CROT: variants seen among roughly 807,000 people sequenced by gnomAD.
CROT encodes peroxisomal carnitine O-octanoyltransferase.
Under a neutral mutation model 89.2 loss-of-function variants are expected in CROT, and 84 were observed. The ratio of observed to expected loss-of-function variants is 0.94; its 90% CI spans 0.79 to 1.13. The LOEUF is 1.13. Ranked by LOEUF, CROT falls within the 50% of genes most tolerant of loss-of-function variation. The pLI is 0.00. For synonymous variants in CROT, 212 were observed against 239.5 expected (o/e 0.89, Z 1.06); for missense variants, 711 against 727.8 (o/e 0.98, Z 0.27).
intron 13 of CROT, among the ~76,000 whole-genome samples, chr7:87,383,088 A>G (rs1274545040): frequency 2.0e-5 from 3 of 152,218 alleles, no homozygotes; most frequent in Non-Finnish European, 2.9e-5. Flanking sequence ...CACTGCCTCA[A>G]CCATTTATTA....
intron 3 of CROT, among the ~76,000 whole-genome samples, chr7:87,349,593 T>C (rs532632368): frequency 2.6e-5 from 4 of 152,346 alleles, no homozygotes; most frequent in South Asian, 4.1e-4. Flanking sequence ...TATATTGTTA[T>C]GGGTATTGAG....
chr7:87,383,102 C>G (rs993098514), intron 13 of CROT, among the ~76,000 whole-genome samples: 12 of 152,122 alleles, frequency 7.9e-5, no homozygotes, highest in African/African-American at 2.7e-4. Flanking sequence ...TTTATTACGT[C>G]TTCGTGTGGG....
At chr7:87,369,670 A>G (rs1157290048) in intron 7 of CROT, 186 bp downstream of exon 7, 1 of 275,432 alleles carries the variant, frequency 3.6e-6, no homozygotes, top group Non-Finnish European at 6.7e-6. Context: ...CTAGACATAT[A>G]TAAATATGTT....
At chr7:87,378,584 G>T (rs1271228424) in intron 10 of CROT, among the ~76,000 whole-genome samples, 1 of 152,052 alleles carries the variant, frequency 6.6e-6, no homozygotes, top group African/African-American at 2.4e-5. Context: ...TGTGATTGTT[G>T]TACCAACAGT....
intron 6 of CROT, among the ~76,000 whole-genome samples, chr7:87,365,798 G>A (rs536651757): frequency 6.6e-6 from 1 of 152,024 alleles, no homozygotes; most frequent in East Asian, 1.9e-4. Flanking sequence ...TAGAGACCGA[G>A]TTTTGCCATG....
At chr7:87,368,198 A>G (rs573832865) in intron 6 of CROT, among the ~76,000 whole-genome samples, 2 of 152,242 alleles carry the variant, frequency 1.3e-5, no homozygotes, top group Admixed American at 1.3e-4. Context: ...GGGTATTTAC[A>G]TGGCGTACTT....
chr7:87,369,252 A>G, intron 6 of CROT, 124 bp from the exon 7 acceptor site: 1 of 571,094 alleles, frequency 1.8e-6, no homozygotes, highest in Non-Finnish European at 3.1e-6. Flanking sequence ...TATGTGATAT[A>G]TTTGATGACT....
intron 17 of CROT, among the ~76,000 whole-genome samples, chr7:87,397,217 A>G (rs31649): frequency 0.91 from 138,225 of 152,060 alleles, 63,090 homozygotes; most frequent in African/African-American, 0.97. Context: ...CTGGTGTGGT[A>G]GCACACACCT....
chr7:87,375,812 T>G lies in CROT; in HGVS notation c.751-16T>G. The G allele has an allele frequency of 6.2e-7, 1 of 1,613,094 alleles. No homozygotes were observed. Among genetic ancestry groups the G allele is most frequent in the Non-Finnish European group, 8.5e-7 (1 of 1,179,442 alleles). On this transcript the variant is annotated splice_polypyrimidine_tract_variant and intron_variant, in intron 8 of 17. Coordinates refer to ENST00000331536, the MANE Select transcript of CROT (RefSeq NM_021151.4). ...TTTCAGTTGTAATATTTGATCATCA[T>G]CTCCTTGCCCTTTAGGCACGAGAAT...
At chr7:87,359,426 T>C (rs1244398180) in intron 4 of CROT, 96 bp downstream of exon 4, 3 of 1,485,772 alleles carry the variant, frequency 2.0e-6, no homozygotes, top group Non-Finnish European at 2.7e-6. Flanking sequence ...TAAAAATTTT[T>C]ACAGTTATTA....
intron 10 of CROT, among the ~76,000 whole-genome samples, chr7:87,380,870 G>T (rs1806973215): frequency 6.6e-6 from 1 of 152,208 alleles, no homozygotes; most frequent in Non-Finnish European, 1.5e-5. Context: ...ACAGTTGTGA[G>T]ATACTGTTAG....
At chr7:87,348,325 CGT>C (rs1274631707) in intron 2 of CROT, among the ~76,000 whole-genome samples, 3 of 152,128 alleles carry the variant, frequency 2.0e-5, no homozygotes, top group Non-Finnish European at 4.4e-5. Flanking sequence ...AATTAATACA[CGT>C]GTCAATATGT....
chr7:87,359,380 A>T (rs1012121465), intron 4 of CROT, 50 bp downstream of exon 4: 7 of 1,533,216 alleles, frequency 4.6e-6, no homozygotes, highest in Middle Eastern at 1.7e-4. Flanking sequence ...AATGATAAAT[A>T]AAAAGTGCAT....
chr7:87,373,588 T>C (rs1362353999), intron 7 of CROT, among the ~76,000 whole-genome samples: 1 of 152,092 alleles, frequency 6.6e-6, no homozygotes, highest in Admixed American at 6.5e-5. Context: ...TAAATATACA[T>C]TTAGTTGGAA....
At position 87,353,976 on chromosome 7, in the gene CROT, G is replaced by A. The variant is rs113928373; in HGVS notation, c.115+4793G>A. 1.4e-3 allele frequency among the ~76,000 whole-genome samples: 207 copies of A among 152,322 alleles called. 2 individuals carry two copies. The highest frequency in any genetic ancestry group is 4.7e-3 in the African/African-American group (195 of 41,566). ...CTAAAAGCTGTAAAAAGATTCTACA[G>A]TCTTGTAGTGATTAATTTTTATAAC... On this transcript the variant is annotated intron_variant, in intron 3 of 17. Transcript: ENST00000331536.
At chr7:87,396,356 A>AG (rs1319452867) in intron 17 of CROT, among the ~76,000 whole-genome samples, 1 of 152,186 alleles carries the variant, frequency 6.6e-6, no homozygotes, top group African/African-American at 2.4e-5. Flanking sequence ...TCTGAACCAG[A>AG]GCCAAATGAC....
Position 87,398,820 on chromosome 7 carries a change from T to G in CROT, c.*176T>G, listed in dbSNP as rs1807643989. Reference sequence around the variant, plus strand: ...CATGCTCTCTAAATTTATTCTGCCATAGAAGGTAGAAATATTTTTAAGCTC... The same window carrying G: ...CATGCTCTCTAAATTTATTCTGCCAGAGAAGGTAGAAATATTTTTAAGCTC... On this transcript the variant is annotated 3_prime_UTR_variant, in exon 18 of 18. Transcript: ENST00000331536. 1.6e-6 allele frequency: 1 copy of G among 622,538 alleles called. No individual in the cohort carries two copies. Among genetic ancestry groups the G allele is most frequent in the African/African-American group, 1.9e-5 (1 of 54,026 alleles). The allele number at this position is 622,538 out of a possible 1,614,324, so 38.6% of individuals were successfully genotyped here. A position where few individuals can be genotyped will look rare whatever the true frequency, so the allele number is the denominator to read the frequency against.
chr7:87,346,786 A>G (rs959342464), intron 2 of CROT, among the ~76,000 whole-genome samples: 2 of 152,198 alleles, frequency 1.3e-5, no homozygotes, highest in Non-Finnish European at 2.9e-5. Context: ...TGCTGCCTTA[A>G]CCAATTACAC....
chr7:87,387,167 G>A (rs1807208192), intron 13 of CROT, among the ~76,000 whole-genome samples: 1 of 151,754 alleles, frequency 6.6e-6, no homozygotes, highest in African/African-American at 2.4e-5. Flanking sequence ...AGGATAATTG[G>A]TACTAGATAG....
Sources: allele counts gnomAD v4.1 joint callset (sites outside exome capture counted in the v4.1 genomes callset), GRCh38; gene constraint gnomAD v4.1.1; transcripts MANE v1.5; gene names NCBI Gene and HGNC (gene_info 2026-07-23, HGNC 2026-07-21).